The following SPATA21 variants were observed in gnomAD, a reference collection of about 807,000 sequenced individuals.
SPATA21 encodes the protein spermatogenesis-associated protein 21.
In SPATA21, 47 loss-of-function variants were observed where a neutral mutation model predicts 54.8. The ratio of observed to expected loss-of-function variants is 0.86; its 90% confidence interval spans 0.68 to 1.09. The LOEUF is 1.09. Among genes scored for constraint, SPATA21 ranks in the 50% least tolerant of loss-of-function variants. SPATA21 has a pLI of 0.00. For synonymous variants in SPATA21, 245 were observed against 235.3 expected, an observed-to-expected ratio of 1.04 and a Z score of -0.38; for missense variants, 599 against 596.4, an observed-to-expected ratio of 1.00 and a Z score of -0.05.
chr1:16,426,571 A>ATG (rs2086325719), intron 3 of SPATA21, among the ~76,000 whole-genome samples: 1 of 115,210 alleles, frequency 8.7e-6, no homozygotes, highest in East Asian at 3.0e-4. Context: ...ATATATATAT[A>ATG]TATATATATT....
At chr1:16,398,924 G>C (rs1025497277) in intron 12 of SPATA21, 102 bp from the exon 13 acceptor site, 2 of 1,224,752 alleles carry the variant, frequency 1.6e-6, no homozygotes, top group South Asian at 3.0e-5. Flanking sequence ...AGAGAGAGGA[G>C]GCCTCCCCTC....
In SPATA21 at chr1:16,406,307, G is replaced by A. The variant is rs568457651; in HGVS notation, c.674-1203C>T. On this transcript the variant is annotated intron_variant, in intron 7 of 12. Coordinates refer to ENST00000335496, the MANE Select transcript of SPATA21 (RefSeq NM_198546.1). ...GCCTGGCTCTGCCATTTAATGAGCC[G>A]GATTGCTCTTATGTTGAAGCCCTAA... Among the ~76,000 whole-genome samples, 6 of 152,172 alleles carry A rather than the reference G, an allele frequency of 3.9e-5. No homozygotes were observed. In the South Asian group the frequency reaches 1.0e-3, roughly 26 times the overall value.
chr1:16,414,358 C>T (rs1270105219), intron 5 of SPATA21, among the ~76,000 whole-genome samples: 1 of 152,052 alleles, frequency 6.6e-6, no homozygotes, highest in African/African-American at 2.4e-5. Flanking sequence ...CGTGAGCCAC[C>T]GCACCCAGCC....
downstream of SPATA21, among the ~76,000 whole-genome samples, chr1:16,398,301 C>T (rs2085346281): frequency 6.6e-6 from 1 of 152,084 alleles, no homozygotes; most frequent in Non-Finnish European, 1.5e-5. Context: ...GGACCCACCC[C>T]TCTTGGGGCT....
chr1:16,437,510 C>A (rs914549008), upstream of SPATA21: 1 of 152,232 alleles, frequency 6.6e-6, no homozygotes, highest in Non-Finnish European at 1.5e-5. Flanking sequence ...TCCCAGAAAG[C>A]CTTCCCTGAC....
rs1398534996 is a variant in SPATA21 at position 16,409,746 on chromosome 1, C to T, written c.442G>A (p.Gly148Arg). The stretch of plus-strand genomic sequence containing the variant: ...GCTCCCATGGGGGCAGGTTCTGGCC[C>T]AGGAGCTGGCAGCCGGGCCCACGAT... The part of the protein sequence containing the change: ...GPSWARLPAP[G>R]PEPAPMGAPV... The change falls in exon 6 of 13, where the codon GGG (glycine) becomes AGG (arginine). Residue 148 changes from glycine to arginine, a missense_variant. Gly to Arg is a moderately radical substitution (Grantham distance 125). Transcript: ENST00000335496. This position sits in a 1 kb window ranked among gnomAD's most constrained non-coding sequence, Gnocchi z 4.1. 4 of 1,608,714 alleles carry T rather than the reference C, an allele frequency of 2.5e-6. No homozygotes were observed. The Admixed American group carries it at 6.8e-5, about 27-fold the overall frequency.
Position 16,421,433 on chromosome 1 carries a change from GC to G in SPATA21, c.144+75del. 1 of 1,408,830 alleles carries G rather than the reference GC, an allele frequency of 7.1e-7. No individual in the cohort carries two copies. The highest frequency in any genetic ancestry group is 9.7e-7 in the Non-Finnish European group (1 of 1,036,042). The allele number at this position is 1,408,830 out of a possible 1,614,324, so 87.3% of individuals were successfully genotyped here. A position where few individuals can be genotyped will look rare whatever the true frequency, so the allele number is the denominator to read the frequency against. On this transcript the variant is annotated intron_variant, in intron 5 of 12. Coordinates refer to ENST00000335496, the MANE Select transcript of SPATA21 (RefSeq NM_198546.1). The surrounding 1 kb of genome is among the most constrained non-coding windows in gnomAD (Gnocchi z 5.2). ...GGTTTGACGTGCCACATCCGCTTCT[GC>G]CCTCTTCCTCCTCCTGATCCCCCCT... is the stretch of plus-strand genomic sequence containing the variant.
Position 16,424,606 on chromosome 1 carries a change from C to T in SPATA21, c.35-2635G>A, listed in dbSNP as rs192621099. On this transcript the variant is annotated intron_variant, in intron 3 of 12. Transcript: ENST00000335496. ...CTAACTTTGGTATTTTTTGTAGGAA[C>T]GGGGTTTCACCATGTTGCCCTGATC... Among the ~76,000 whole-genome samples the T allele has an allele frequency of 1.6e-3, 244 of 151,524 alleles. 1 individual carries two copies. Among genetic ancestry groups the T allele is most frequent in the African/African-American group, 4.0e-3 (164 of 41,326 alleles).
intron 5 of SPATA21, among the ~76,000 whole-genome samples, chr1:16,414,011 TTC>T (rs2085928328): frequency 6.7e-6 from 1 of 149,418 alleles, no homozygotes; most frequent in Non-Finnish European, 1.5e-5. Flanking sequence ...ACTTGTTATT[TTC>T]TGTTTTTTTT....
intron 3 of SPATA21, chr1:16,425,520 T>TTCTCCTAGC (rs1420911926): frequency 6.5e-7 from 1 of 1,548,528 alleles, no homozygotes; most frequent in South Asian, 1.2e-5. Context: ...ATCTCCTAGG[T>TTCTCCTAGC]TACCTGGCAG....
intron 3 of SPATA21, 177 bp from the exon 4 acceptor site, chr1:16,422,148 T>C: frequency 1.4e-6 from 2 of 1,468,048 alleles, no homozygotes; most frequent in Non-Finnish European, 1.8e-6. Flanking sequence ...CTCTGCTGGC[T>C]GCACCATGTC....
intron 5 of SPATA21, among the ~76,000 whole-genome samples, chr1:16,413,909 A>C (rs960784212): frequency 7.9e-5 from 12 of 152,046 alleles, no homozygotes; most frequent in African/African-American, 2.9e-4. Flanking sequence ...CACCATGCCC[A>C]GCCTATCATA....
At chr1:16,407,191 G>A (rs540547982) in intron 7 of SPATA21, among the ~76,000 whole-genome samples, 14 of 152,296 alleles carry the variant, frequency 9.2e-5, no homozygotes, top group African/African-American at 1.4e-4. Flanking sequence ...GTTGGGGCAC[G>A]TGGTGACCTG....
downstream of SPATA21, chr1:16,396,472 C>T (rs1426334817): frequency 1.3e-5 from 2 of 152,244 alleles, no homozygotes; most frequent in Non-Finnish European, 2.9e-5. Flanking sequence ...GGCAGTTTAT[C>T]CTCTGTCCCT....
intron 10 of SPATA21, among the ~76,000 whole-genome samples, chr1:16,402,295 CTT>C (rs1447038378): frequency 2.0e-5 from 2 of 101,504 alleles, no homozygotes; most frequent in Non-Finnish European, 3.6e-5. Flanking sequence ...GAGTTTCGCT[CTT>C]GTTGCCCAGG....
At chr1:16,403,689 T>C in intron 10 of SPATA21, 38 bp downstream of exon 10, 1 of 1,569,112 alleles carries the variant, frequency 6.4e-7, no homozygotes, top group Non-Finnish European at 8.8e-7. Context: ...CACCTCTGTG[T>C]CCACAACCCT....
Position 16,399,480 on chromosome 1 carries a change from G to T in SPATA21, c.1216C>A (p.Leu406Met). 6.2e-7 allele frequency: 1 copy of T among 1,613,898 alleles called. No individual in the cohort carries two copies. Among genetic ancestry groups the T allele is most frequent in the Non-Finnish European group, 8.5e-7 (1 of 1,180,024 alleles). Residue 406 changes from leucine to methionine, a missense_variant, in exon 12 of 13, where the codon CTG becomes ATG. Coordinates refer to ENST00000335496, the MANE Select transcript of SPATA21 (RefSeq NM_198546.1). Reference protein sequence around the residue: ...QSPYAQVPCILLCPQLDKKMV... With the variant: ...QSPYAQVPCIMLCPQLDKKMV... ...TTCTTGTCCAGCTGTGGGCAGAGCAGGATGCAGGGCACCTGGGCATAGGGG... is the reference window on the plus strand; with the variant it reads ...TTCTTGTCCAGCTGTGGGCAGAGCATGATGCAGGGCACCTGGGCATAGGGG...
At chr1:16,417,425 A>AT (rs2086041725) in intron 5 of SPATA21, among the ~76,000 whole-genome samples, 1 of 139,588 alleles carries the variant, frequency 7.2e-6, no homozygotes, top group African/African-American at 2.7e-5. Context: ...TGCCCAGCTA[A>AT]TTTTTTTGTG....
intron 5 of SPATA21, among the ~76,000 whole-genome samples, chr1:16,415,966 C>T (rs2100840630): frequency 6.6e-6 from 1 of 152,286 alleles, no homozygotes; most frequent in Non-Finnish European, 1.5e-5. Flanking sequence ...CCTCCAGCTT[C>T]TCCAACCCTC....
Sources: gnomAD v4.1 joint callset for allele counts (sites outside exome capture counted in the v4.1 genomes callset) on GRCh38, gnomAD v4.1.1 for gene constraint, Gnocchi (gnomAD v3.1) non-coding constraint, MANE v1.5 for transcripts, NCBI Gene and HGNC (gene_info 2026-07-23, HGNC 2026-07-21) for gene names.